The following SGCG variants were observed in gnomAD, a reference collection of about 807,000 sequenced individuals.
The protein encoded by SGCG is gamma-sarcoglycan.
A neutral mutation model predicts 29.3 loss-of-function variants in SGCG; 26 were observed. The observed-to-expected ratio is 0.89, with a 90% CI of 0.65 to 1.23. SGCG has a LOEUF of 1.23. SGCG is among the 50% of genes most tolerant of loss of function. The pLI is 0.00. For synonymous variants in SGCG, 145 were observed against 129.7 expected, an observed-to-expected ratio of 1.12 and a Z score of -0.80; for missense variants, 353 against 356.0, an observed-to-expected ratio of 0.99 and a Z score of 0.07.
At chr13:23,262,819 A>G (rs141023065) in intron 4 of SGCG, among the ~76,000 whole-genome samples, 2 of 152,198 alleles carry the variant, frequency 1.3e-5, no homozygotes, top group African/African-American at 4.8e-5. Flanking sequence ...CTCAGACCAC[A>G]GCAAAATAAA....
chr13:23,316,554 T>A (rs949259995), intron 6 of SGCG, among the ~76,000 whole-genome samples: 3 of 151,928 alleles, frequency 2.0e-5, no homozygotes, highest in African/African-American at 7.3e-5. Context: ...TGGGGCAGAG[T>A]TCTCCAGAAG....
At chr13:23,169,694 T>A in the SGCG span, 4 of 134,752 alleles carry the variant, frequency 3.0e-5, no homozygotes, top group African/African-American at 8.3e-5. Context: ...TCTCTCTCTC[T>A]GTCTCTCATA....
At chr13:23,203,162 T>C (rs914063350) in intron 1 of SGCG, among the ~76,000 whole-genome samples, 2 of 152,152 alleles carry the variant, frequency 1.3e-5, no homozygotes, top group Non-Finnish European at 2.9e-5. Flanking sequence ...GGTGTCACCA[T>C]GTTAGCCAGG....
chr13:23,294,776 G>A (rs1013396351), intron 5 of SGCG, among the ~76,000 whole-genome samples: 1 of 152,020 alleles, frequency 6.6e-6, no homozygotes, highest in East Asian at 1.9e-4. Flanking sequence ...CTTCCTCATG[G>A]GTAAATAGGA....
intron 1 of SGCG, among the ~76,000 whole-genome samples, chr13:23,186,397 C>T (rs1394891267): frequency 6.6e-6 from 1 of 152,168 alleles, no homozygotes; most frequent in Non-Finnish European, 1.5e-5. Context: ...GGAGGTGAAG[C>T]GATTGCAGCA....
rs1882039783 is a variant in SGCG, at chr13:23,299,427, TATATATATATATATATATATA to T, written c.578+3941_578+3961del. 4.4e-4 allele frequency among the ~76,000 whole-genome samples: 6 copies of T among 13,530 alleles called. 1 individual carries two copies. Among genetic ancestry groups the T allele is most frequent in the South Asian group, 4.8e-3 (2 of 418 alleles). 8.9% of individuals were successfully genotyped at this position (13,530 alleles called of 152,430 possible). On this transcript the variant is annotated intron_variant, in intron 6 of 7. Transcript: ENST00000218867. ...GTTGGCATATATATATATATATATA[TATATATATATATATATATATA>T]TATATATATTTTTTTTTTTTTTTTA... is the stretch of plus-strand genomic sequence containing the variant.
At chr13:23,165,179 T>C in the SGCG span, among the ~76,000 whole-genome samples, 1 of 152,230 alleles carries the variant, frequency 6.6e-6, no homozygotes, top group East Asian at 1.9e-4. Flanking sequence ...TTTGAATTAA[T>C]CTTGTTTGGG....
At position 23,229,219 on chromosome 13, in the gene SGCG, T is replaced by A. The variant is rs112732045; in HGVS notation, c.196-5392T>A. Among the ~76,000 whole-genome samples, 272 of 152,286 alleles carry A rather than the reference T, an allele frequency of 1.8e-3. 1 individual carries two copies. Among genetic ancestry groups the A allele is most frequent in the African/African-American group, 6.1e-3 (253 of 41,558 alleles). On this transcript the variant is annotated intron_variant, in intron 2 of 7. Coordinates refer to ENST00000218867, the MANE Select transcript of SGCG (RefSeq NM_000231.3). ...ACTGTTGATGGACATTTAAGTTGAT[T>A]CCATGTCTTTGCTATTGTGAATAGT...
chr13:23,298,273 T>C (rs1350604191), intron 6 of SGCG, among the ~76,000 whole-genome samples: 1 of 152,026 alleles, frequency 6.6e-6, no homozygotes, highest in Non-Finnish European at 1.5e-5. Context: ...TGAGAATTGC[T>C]TGAACCTGGG....
intron 4 of SGCG, among the ~76,000 whole-genome samples, chr13:23,275,146 A>ATATATAT (rs1881024464): frequency 2.9e-5 from 2 of 68,760 alleles, no homozygotes; most frequent in Non-Finnish European, 7.5e-5. Flanking sequence ...TATATATAGA[A>ATATATAT]ATGAGGACGT....
intron 6 of SGCG, among the ~76,000 whole-genome samples, chr13:23,304,103 A>C (rs1184111900): frequency 6.6e-6 from 1 of 152,054 alleles, no homozygotes; most frequent in East Asian, 1.9e-4. Flanking sequence ...TTTTCCTCTC[A>C]ATTTTTAAGA....
intron 4 of SGCG, among the ~76,000 whole-genome samples, chr13:23,266,152 A>T (rs11618419): frequency 0.063 from 9,540 of 151,984 alleles, 416 homozygotes; most frequent in Non-Finnish European, 0.095. Context: ...GGCGCCTGTA[A>T]TCCCAGCTAC....
chr13:23,204,659 ATTCCCTTCT>A (rs1727154866), intron 2 of SGCG, among the ~76,000 whole-genome samples: 1 of 88,990 alleles, frequency 1.1e-5, no homozygotes, highest in East Asian at 3.0e-4. Context: ...CTTTCCCTTC[ATTCCCTTCT>A]TTCCCTTCTT....
intron 3 of SGCG, chr13:23,246,534 G>A (rs1347799902): frequency 6.5e-6 from 1 of 153,692 alleles, no homozygotes; most frequent in Non-Finnish European, 1.5e-5. Flanking sequence ...GGGACAGGCT[G>A]TGGGAGCATC....
Position 23,200,509 on chromosome 13 carries a change from A to C in SGCG, c.1-3186A>C, listed in dbSNP as rs568674149. ...AATTCAGCAAATGTTTATTAAGCAC[A>C]TACTACATGCTGGCTGCTGCTCTAG... is the stretch of plus-strand genomic sequence containing the variant. On this transcript the variant is annotated intron_variant, in intron 1 of 7. Transcript: ENST00000218867. Among the ~76,000 whole-genome samples the C allele has an allele frequency of 4.6e-5, 7 of 152,344 alleles. No individual in the cohort carries two copies. In the South Asian group the frequency reaches 1.5e-3, roughly 32 times the overall value.
chr13:23,205,207 C>A (rs895540492), intron 2 of SGCG, among the ~76,000 whole-genome samples: 3 of 152,256 alleles, frequency 2.0e-5, no homozygotes, highest in African/African-American at 4.8e-5. Context: ...CTTAGTTCCA[C>A]TGGACAATGT....
intron 6 of SGCG, among the ~76,000 whole-genome samples, chr13:23,306,635 A>G (rs1395671275): frequency 2.0e-5 from 3 of 152,234 alleles, no homozygotes; most frequent in Admixed American, 6.5e-5. Context: ...CCAAGTATGT[A>G]TATTTTATTT....
chr13:23,313,663 A>T (rs1882689246), intron 6 of SGCG, among the ~76,000 whole-genome samples: 2 of 152,358 alleles, frequency 1.3e-5, no homozygotes, highest in Middle Eastern at 3.4e-3. Context: ...TCAGTACCAT[A>T]GGAAAAATAC....
intron 2 of SGCG, among the ~76,000 whole-genome samples, chr13:23,225,201 C>T (rs948253160): frequency 2.0e-5 from 3 of 152,174 alleles, no homozygotes; most frequent in Admixed American, 2.0e-4. Context: ...CACCCAAAGT[C>T]CACATCCTAA....
Sources: gnomAD v4.1 joint callset for allele counts (sites outside exome capture counted in the v4.1 genomes callset) on GRCh38, gnomAD v4.1.1 for gene constraint, MANE v1.5 for transcripts, NCBI Gene and HGNC (gene_info 2026-07-23, HGNC 2026-07-21) for gene names.